The following FBLN5 variants were observed in gnomAD, a reference collection of about 807,000 sequenced individuals.
FBLN5 encodes the protein fibulin-5.
A neutral mutation model predicts 61.6 loss-of-function variants in FBLN5; 24 were observed. That is an observed-to-expected ratio of 0.39 (90% confidence interval 0.28 to 0.55). The LOEUF (loss-of-function observed/expected upper bound fraction) is 0.55, where lower values mean the gene tolerates loss of function less well. Ranked by LOEUF, FBLN5 falls within the 20% of genes least tolerant of loss-of-function variation. FBLN5 has a pLI of 0.65. For synonymous variants in FBLN5, 213 were observed against 219.8 expected, an observed-to-expected ratio of 0.97 and a Z score of 0.27; for missense variants, 470 against 594.1, an observed-to-expected ratio of 0.79 and a Z score of 2.17.
rs368153446 is a variant in FBLN5, at chr14:91,943,336, C to T, written c.18-375G>A. ...CAAGCCTGGGCAACATGGTGAAACCCCATTTCTACAAAATTAAAAAAAAAA... is the reference window on the plus strand; with the variant it reads ...CAAGCCTGGGCAACATGGTGAAACCTCATTTCTACAAAATTAAAAAAAAAA... On this transcript the variant is annotated intron_variant, in intron 1 of 10. Coordinates refer to ENST00000342058, the MANE Select transcript of FBLN5 (RefSeq NM_006329.4). This position sits in a 1 kb window ranked among gnomAD's most constrained non-coding sequence, Gnocchi z 4.0. Among the ~76,000 whole-genome samples the T allele has an allele frequency of 6.6e-5, 10 of 152,008 alleles. No individual in the cohort carries two copies. Among genetic ancestry groups the T allele is most frequent in the Admixed American group, 5.2e-4 (8 of 15,258 alleles).
chr14:91,888,403 G>C (rs191900924), intron 6 of FBLN5, among the ~76,000 whole-genome samples: 1 of 151,940 alleles, frequency 6.6e-6, no homozygotes, highest in Non-Finnish European at 1.5e-5. Flanking sequence ...TCAGGCATTC[G>C]AGACCAGCCT....
intron 6 of FBLN5, 126 bp downstream of exon 6, chr14:91,891,095 G>A: frequency 1.4e-6 from 1 of 739,580 alleles, no homozygotes; most frequent in South Asian, 1.4e-5. Flanking sequence ...GGGATGGGCG[G>A]GCAGTGGCAA....
intron 4 of FBLN5, among the ~76,000 whole-genome samples, chr14:91,927,336 TG>T (rs2055846297): frequency 6.6e-6 from 1 of 152,228 alleles, no homozygotes; most frequent in Admixed American, 6.5e-5. Context: ...ACAGCAGGGT[TG>T]GGGGTGTGAG....
chr14:91,923,163 T>C (rs996188686), intron 4 of FBLN5, among the ~76,000 whole-genome samples: 3 of 152,110 alleles, frequency 2.0e-5, no homozygotes, highest in Non-Finnish European at 4.4e-5. Flanking sequence ...CATGCAGATG[T>C]GAACTGAAGC....
Position 91,938,857 on chromosome 14 carries a change from C to T in FBLN5, c.125-1656G>A, listed in dbSNP as rs1264201969. On this transcript the variant is annotated intron_variant, in intron 3 of 10. Coordinates refer to ENST00000342058, the MANE Select transcript of FBLN5 (RefSeq NM_006329.4). ...CAGAGGTAAAAGCAATGGCAAGGTG[C>T]AGAATGCAACAGCCTGTTCTCCAGC... Among the ~76,000 whole-genome samples the T allele has an allele frequency of 2.6e-5, 4 of 152,204 alleles. No individual in the cohort carries two copies. The East Asian group carries it at 5.8e-4, about 22-fold the overall frequency.
chr14:91,946,918 G>A, intron 1 of FBLN5: 3 of 1,458,696 alleles, frequency 2.1e-6, no homozygotes, highest in Non-Finnish European at 2.7e-6. Flanking sequence ...AAACGACAAA[G>A]TTGCTGCCCT....
rs765608714 is a variant in FBLN5 at position 91,943,652 on chromosome 14, T to A, written c.18-691A>T. 2.6e-5 allele frequency among the ~76,000 whole-genome samples: 4 copies of A among 152,136 alleles called. No homozygotes were observed. The highest frequency in any genetic ancestry group is 4.8e-5 in the African/African-American group (2 of 41,430). On this transcript the variant is annotated intron_variant, in intron 1 of 10. Transcript: ENST00000342058. The surrounding 1 kb of genome is among the most constrained non-coding windows in gnomAD (Gnocchi z 4.0). ...GAGTGAATAAGCCATCATCATGCCCTCAAACAGTGAAAGGAAAAGAAAGTG... is the reference window on the plus strand; with the variant it reads ...GAGTGAATAAGCCATCATCATGCCCACAAACAGTGAAAGGAAAAGAAAGTG...
In FBLN5 at chr14:91,947,057, C is replaced by CT; in HGVS notation, c.17+155dup. 1.3e-6 allele frequency: 2 copies of CT among 1,539,318 alleles called. No homozygotes were observed. Among genetic ancestry groups the CT allele is most frequent in the South Asian group, 1.2e-5 (1 of 82,994 alleles). On this transcript the variant is annotated intron_variant, in intron 1 of 10. Transcript: ENST00000342058. This position sits in a 1 kb window ranked among gnomAD's most constrained non-coding sequence, Gnocchi z 4.3. The stretch of plus-strand genomic sequence containing the variant: ...CAAGATGGAAATTACAGAGGCGCAG[C>CT]TTTTTATAATTAACAATATCATTGC...
intron 4 of FBLN5, among the ~76,000 whole-genome samples, chr14:91,933,277 A>T (rs1390639026): frequency 6.6e-6 from 1 of 151,920 alleles, no homozygotes; most frequent in Non-Finnish European, 1.5e-5. Flanking sequence ...TTTTTATTTT[A>T]ATTTTTTATT....
At chr14:91,945,561 G>A (rs1365500650) in intron 1 of FBLN5, among the ~76,000 whole-genome samples, 2 of 152,158 alleles carry the variant, frequency 1.3e-5, no homozygotes, top group African/African-American at 4.8e-5. Context: ...TCTGGGGCCC[G>A]TTACTACAAA....
chr14:91,918,911 G>A (rs538873648), intron 4 of FBLN5, among the ~76,000 whole-genome samples: 48 of 152,310 alleles, frequency 3.2e-4, no homozygotes, highest in African/African-American at 1.1e-3. Context: ...TGTCCCAACA[G>A]AGGCACAAGC....
Position 91,870,399 on chromosome 14 carries a change from C to T in FBLN5, c.1186-14G>A. 4 of 1,613,096 alleles carry T rather than the reference C, an allele frequency of 2.5e-6. No individual in the cohort carries two copies. The highest frequency in any genetic ancestry group is 3.4e-6 in the Non-Finnish European group (4 of 1,179,978). ...GGGGCCCGTTTGCTATGGACAGAAC[C>T]GGGGAACACCAGTGAGAAAAGGCCT... On this transcript the variant is annotated splice_polypyrimidine_tract_variant and intron_variant, in intron 10 of 10. Coordinates refer to ENST00000342058, the MANE Select transcript of FBLN5 (RefSeq NM_006329.4).
chr14:91,940,948 AT>A (rs11366771), intron 2 of FBLN5, among the ~76,000 whole-genome samples: 15,575 of 151,112 alleles, frequency 0.1, 1,067 homozygotes, highest in African/African-American at 0.2. Context: ...GAAAAACTTT[AT>A]TTAAAAAAAA....
intron 4 of FBLN5, among the ~76,000 whole-genome samples, chr14:91,922,079 C>T (rs2140024829): frequency 6.6e-6 from 1 of 152,222 alleles, no homozygotes; most frequent in Middle Eastern, 3.4e-3. Context: ...GGGCGGATCA[C>T]CTGAGGTCAG....
intron 5 of FBLN5, among the ~76,000 whole-genome samples, chr14:91,894,523 C>T (rs972379178): frequency 6.6e-6 from 1 of 150,958 alleles, no homozygotes; most frequent in African/African-American, 2.4e-5. Context: ...GAGTTCAAGA[C>T]CAGCCTGGCC....
chr14:91,928,643 G>A (rs1336927067), intron 4 of FBLN5, among the ~76,000 whole-genome samples: 1 of 152,092 alleles, frequency 6.6e-6, no homozygotes, highest in South Asian at 2.1e-4. Flanking sequence ...ATGGTGGCAT[G>A]TACTGGTAGT....
Position 91,945,724 on chromosome 14 carries a change from C to T in FBLN5, c.17+1489G>A, listed in dbSNP as rs570915441. Among the ~76,000 whole-genome samples, 4 of 152,248 alleles carry T rather than the reference C, an allele frequency of 2.6e-5. No homozygotes were observed. The East Asian group carries it at 5.8e-4, about 22-fold the overall frequency. The stretch of plus-strand genomic sequence containing the variant: ...GGAGATGCGAGGCCATTTCCTTTAT[C>T]GAGTCCCCAATCCAAAAAATAAGGA... On this transcript the variant is annotated intron_variant, in intron 1 of 10. Coordinates refer to ENST00000342058, the MANE Select transcript of FBLN5 (RefSeq NM_006329.4).
At chr14:91,871,455 C>A (rs374887208) in intron 10 of FBLN5, among the ~76,000 whole-genome samples, 2 of 152,276 alleles carry the variant, frequency 1.3e-5, no homozygotes, top group South Asian at 4.1e-4. Context: ...TCCACTGAGT[C>A]TTTTTCTAAA....
At chr14:91,889,316 C>A (rs529108844) in intron 6 of FBLN5, among the ~76,000 whole-genome samples, 13 of 152,346 alleles carry the variant, frequency 8.5e-5, no homozygotes, top group African/African-American at 3.1e-4. Flanking sequence ...ACTCATTCCA[C>A]CCCCTCACCG....
Sources: allele counts gnomAD v4.1 joint callset (sites outside exome capture counted in the v4.1 genomes callset), GRCh38; gene constraint gnomAD v4.1.1; non-coding constraint Gnocchi (gnomAD v3.1); transcripts MANE v1.5; gene names NCBI Gene and HGNC (gene_info 2026-07-23, HGNC 2026-07-21).